The following VTI1A variants were observed in gnomAD, a reference collection of about 807,000 sequenced individuals.
VTI1A encodes vesicle transport through interaction with t-SNAREs 1A.
VTI1A carries 22 observed loss-of-function variants against 34.9 expected under a neutral mutation model. The observed-to-expected ratio is 0.63, with a 90% CI of 0.45 to 0.90. VTI1A has a LOEUF of 0.90. Among genes scored for constraint, VTI1A ranks in the 40% least tolerant of loss-of-function variants. The pLI is 0.00. For missense variants in VTI1A, 268 were observed against 275.6 expected (o/e 0.97, Z 0.20); for synonymous variants, 87 against 97.3 (o/e 0.89, Z 0.62).
At chr10:112,853,338 T>C in the VTI1A span, among the ~76,000 whole-genome samples, 21 of 152,240 alleles carry the variant, frequency 1.4e-4, no homozygotes, top group Non-Finnish European at 3.1e-4. Context: ...AATGAGTTTC[T>C]GTTGCTTGCA....
intron 7 of VTI1A, among the ~76,000 whole-genome samples, chr10:112,680,304 A>AT (rs913551652): frequency 2.0e-5 from 3 of 152,118 alleles, no homozygotes; most frequent in Non-Finnish European, 4.4e-5. Flanking sequence ...CACATATATT[A>AT]TTTTTTTAAG....
intron 3 of VTI1A, among the ~76,000 whole-genome samples, chr10:112,492,456 G>C (rs951890171): frequency 1.3e-5 from 2 of 152,098 alleles, no homozygotes; most frequent in Non-Finnish European, 2.9e-5. Context: ...TTATTTGTTA[G>C]ATAAAAGCTA....
intron 5 of VTI1A, among the ~76,000 whole-genome samples, chr10:112,543,095 C>T (rs150416725): frequency 4.3e-4 from 66 of 152,196 alleles, no homozygotes; most frequent in South Asian, 3.3e-3. Context: ...CATTTGGGTT[C>T]GTTCCAAGTC....
At chr10:112,632,006 T>C (rs1846147233) in intron 5 of VTI1A, among the ~76,000 whole-genome samples, 1 of 152,210 alleles carries the variant, frequency 6.6e-6, no homozygotes, top group Non-Finnish European at 1.5e-5. Context: ...ATTATAACAA[T>C]ATAATTGTAA....
At chr10:112,569,735 A>T (rs982967125) in intron 5 of VTI1A, among the ~76,000 whole-genome samples, 3 of 152,116 alleles carry the variant, frequency 2.0e-5, no homozygotes, top group Non-Finnish European at 4.4e-5. Context: ...CTGGGTGCCT[A>T]CTAAAAAAAA....
rs1175362768 is a variant in VTI1A at position 112,757,351 on chromosome 10, ATTTTTTTTTTTTTTTT to A, written c.561-57922_561-57907del. Among the ~76,000 whole-genome samples, 12 of 40,672 alleles carry A rather than the reference ATTTTTTTTTTTTTTTT, an allele frequency of 3.0e-4. No individual in the cohort carries two copies. In the South Asian group the frequency reaches 5.1e-3, roughly 17 times the overall value. The allele number at this position is 40,672 out of a possible 152,430, so 26.7% of individuals were successfully genotyped here. A position where few individuals can be genotyped will look rare whatever the true frequency, so the allele number is the denominator to read the frequency against. On this transcript the variant is annotated intron_variant, in intron 7 of 7. Transcript: ENST00000393077. ...CTTTCACCCTTTCTTTGTTGCTGTG[ATTTTTTTTTTTTTTTT>A]TTTTTTTTTTTTTTTTGGAGACATA...
chr10:112,460,683 C>G, intron 2 of VTI1A, 101 bp downstream of exon 2: 2 of 857,144 alleles, frequency 2.3e-6, no homozygotes, highest in Non-Finnish European at 1.7e-6. Context: ...TGAAGCATTG[C>G]TGATTAGCAT....
At chr10:112,790,055 G>C (rs2134053835) in intron 7 of VTI1A, among the ~76,000 whole-genome samples, 1 of 151,666 alleles carries the variant, frequency 6.6e-6, no homozygotes, top group African/African-American at 2.4e-5. Flanking sequence ...TTTTTAAGTA[G>C]CTTTTCTGAA....
At chr10:112,729,381 G>A (rs1378319496) in intron 7 of VTI1A, among the ~76,000 whole-genome samples, 2 of 152,110 alleles carry the variant, frequency 1.3e-5, no homozygotes, top group Non-Finnish European at 2.9e-5. Flanking sequence ...ACAACTTTTT[G>A]CACTTCTTTT....
downstream of VTI1A, among the ~76,000 whole-genome samples, chr10:112,819,513 T>C (rs916662275): frequency 6.6e-6 from 1 of 152,106 alleles, no homozygotes; most frequent in Non-Finnish European, 1.5e-5. Flanking sequence ...GATGTGTGTC[T>C]GGTTGGCTGG....
At chr10:112,779,063 GT>G (rs1852037144) in intron 7 of VTI1A, among the ~76,000 whole-genome samples, 1 of 152,172 alleles carries the variant, frequency 6.6e-6, no homozygotes, top group African/African-American at 2.4e-5. Context: ...GAAATCTCAC[GT>G]TTGCTTTATC....
chr10:112,813,822 A>G (rs1342461381), intron 7 of VTI1A, among the ~76,000 whole-genome samples: 2 of 152,206 alleles, frequency 1.3e-5, no homozygotes, highest in Non-Finnish European at 2.9e-5. Flanking sequence ...ATCTTAGCCA[A>G]GCCTTGAGTG....
intron 7 of VTI1A, among the ~76,000 whole-genome samples, chr10:112,684,585 C>T (rs1271766160): frequency 2.6e-5 from 4 of 152,002 alleles, no homozygotes; most frequent in African/African-American, 4.8e-5. Context: ...ATTATAGGCA[C>T]GGGCCATCAC....
chr10:112,840,679 C>T, the VTI1A span, among the ~76,000 whole-genome samples: 2 of 152,164 alleles, frequency 1.3e-5, no homozygotes, highest in Admixed American at 1.3e-4. Flanking sequence ...GAGGTAGGCA[C>T]AGGTGCCCTA....
intron 5 of VTI1A, among the ~76,000 whole-genome samples, chr10:112,643,220 T>C (rs1846651049): frequency 6.7e-6 from 1 of 148,974 alleles, no homozygotes; most frequent in Non-Finnish European, 1.5e-5. Context: ...GGTCTTGAAC[T>C]CCTGGCCTCA....
chr10:112,733,368 G>A (rs920033001), intron 7 of VTI1A, among the ~76,000 whole-genome samples: 1 of 152,024 alleles, frequency 6.6e-6, no homozygotes, highest in African/African-American at 2.4e-5. Flanking sequence ...GCAACCCCAT[G>A]CCCATTAAAC....
In VTI1A at chr10:112,587,379, A is replaced by G. The variant is rs559179813; in HGVS notation, c.427+49049A>G. Among the ~76,000 whole-genome samples, 18 of 152,272 alleles carry G rather than the reference A, an allele frequency of 1.2e-4. No homozygotes were observed. In the South Asian group the frequency reaches 3.7e-3, roughly 32 times the overall value. ...CCCCAAAGAGCTTATAACATAGGAG[A>G]AGGAAAGTTAAACAATACCAAATTA... On this transcript the variant is annotated intron_variant, in intron 5 of 7. Coordinates refer to ENST00000393077, the MANE Select transcript of VTI1A (RefSeq NM_145206.4).
intron 5 of VTI1A, among the ~76,000 whole-genome samples, chr10:112,582,148 ACTCTC>A (rs1028093738): frequency 2.6e-5 from 4 of 151,740 alleles, no homozygotes; most frequent in African/African-American, 9.7e-5. Flanking sequence ...TCTGGTGAGG[ACTCTC>A]TTCCTGGCTT....
the VTI1A span, among the ~76,000 whole-genome samples, chr10:112,847,351 T>C: frequency 6.6e-6 from 1 of 152,142 alleles, no homozygotes; most frequent in Admixed American, 6.6e-5. Context: ...CTCAGGCACT[T>C]CAAGCAGACC....
Sources: allele counts gnomAD v4.1 joint callset (sites outside exome capture counted in the v4.1 genomes callset), GRCh38; gene constraint gnomAD v4.1.1; transcripts MANE v1.5; gene names NCBI Gene and HGNC (gene_info 2026-07-23, HGNC 2026-07-21).